ARHGEF3: variants seen among roughly 807,000 people sequenced by gnomAD.
The protein encoded by ARHGEF3 is 59.8 kDA protein.
In ARHGEF3, 28 loss-of-function variants were observed where a neutral mutation model predicts 63.2. That is an observed-to-expected ratio of 0.44 (90% CI 0.33 to 0.61). ARHGEF3 has a LOEUF of 0.61. Among genes scored for constraint, ARHGEF3 ranks in the 20% least tolerant of loss-of-function variants. The pLI is 0.03. For synonymous variants in ARHGEF3, 266 were observed against 254.2 expected, an observed-to-expected ratio of 1.05 and a Z score of -0.44; for missense variants, 533 against 659.3, an observed-to-expected ratio of 0.81 and a Z score of 2.10.
At chr3:56,858,031 C>T (rs1389119145) in intron 4 of ARHGEF3, among the ~76,000 whole-genome samples, 5 of 151,970 alleles carry the variant, frequency 3.3e-5, no homozygotes, top group African/African-American at 1.2e-4. Context: ...CTGCTTGAGC[C>T]CAGGAGTTTA....
At chr3:56,802,410 T>G (rs1038505737), upstream of ARHGEF3, among the ~76,000 whole-genome samples, 7 of 152,192 alleles carry the variant, frequency 4.6e-5, no homozygotes, top group Non-Finnish European at 8.8e-5. Context: ...CTGCACGTTT[T>G]TTTTGTTTTG....
In ARHGEF3 at chr3:57,065,258, T is replaced by C. The variant is rs557650130; in HGVS notation, c.-28+13968A>G. ...GGGCAGATAACTTGAGGTCAGGAGT[T>C]CGACACCAGCCTGGCCAACATGGTG... On this transcript the variant is annotated intron_variant, in intron 1 of 12. Coordinates refer to the ARHGEF3 transcript ENST00000338458. Among the ~76,000 whole-genome samples, 274 of 152,282 alleles carry C rather than the reference T, an allele frequency of 1.8e-3. 4 individuals are homozygous for C. The South Asian group carries it at 0.03, about 17-fold the overall frequency.
intron 4 of ARHGEF3, chr3:56,882,184 G>A: frequency 9.1e-7 from 1 of 1,098,684 alleles, no homozygotes; most frequent in Non-Finnish European, 1.3e-6. Flanking sequence ...AACTTCCATA[G>A]TCAGATCCTG....
At chr3:56,775,284 T>C (rs1442738172) in intron 1 of ARHGEF3, 1 of 1,241,406 alleles carries the variant, frequency 8.1e-7, no homozygotes, top group Non-Finnish European at 1.0e-6. Flanking sequence ...TGAGACACTC[T>C]CATGTCATTT....
intron 4 of ARHGEF3, among the ~76,000 whole-genome samples, chr3:56,850,455 G>T (rs560604077): frequency 2.0e-4 from 31 of 152,310 alleles, no homozygotes; most frequent in African/African-American, 7.5e-4. Flanking sequence ...CTTGAACCTG[G>T]GGTGCAGAGG....
chr3:56,971,080 C>T (rs9841523), intron 2 of ARHGEF3, among the ~76,000 whole-genome samples: 6,506 of 152,270 alleles, frequency 0.043, 487 homozygotes, highest in African/African-American at 0.15. Context: ...AGACTCGCTG[C>T]TGTCACTGCA....
At chr3:56,871,315 A>G (rs1234341407) in intron 4 of ARHGEF3, among the ~76,000 whole-genome samples, 3 of 152,158 alleles carry the variant, frequency 2.0e-5, no homozygotes, top group Non-Finnish European at 2.9e-5. Context: ...AAAATAAAAT[A>G]TTTTTCTATC....
At chr3:56,802,051 C>A (rs2037686483), upstream of ARHGEF3, 1 of 1,336,600 alleles carries the variant, frequency 7.5e-7, no homozygotes, top group Admixed American at 3.4e-5. Context: ...CCGGGAGGGC[C>A]CACGTGCCGC....
intron 2 of ARHGEF3, among the ~76,000 whole-genome samples, chr3:57,014,282 G>A (rs1278626723): frequency 6.6e-6 from 1 of 152,148 alleles, no homozygotes; most frequent in African/African-American, 2.4e-5. Flanking sequence ...CACTGTGAGG[G>A]TCCGCGGCTT....
intron 2 of ARHGEF3, among the ~76,000 whole-genome samples, chr3:56,961,448 T>A (rs937019869): frequency 1.3e-5 from 2 of 152,022 alleles, no homozygotes; most frequent in African/African-American, 4.8e-5. Context: ...CCCTCTCACA[T>A]GAAGAGAAGT....
chr3:56,787,322 C>A (rs936452179), intron 1 of ARHGEF3, among the ~76,000 whole-genome samples: 1 of 152,100 alleles, frequency 6.6e-6, no homozygotes, highest in Admixed American at 6.5e-5. Flanking sequence ...TGCAAAGCTT[C>A]GATCAATTGC....
chr3:57,058,781 G>A lies in ARHGEF3; in HGVS notation c.-28+20445C>T, dbSNP rs796730661. Among the ~76,000 whole-genome samples the A allele has an allele frequency of 3.3e-5, 5 of 152,096 alleles. No individual in the cohort carries two copies. In the South Asian group the frequency reaches 6.2e-4, roughly 19 times the overall value. ...TGATAGACTGGATTAAGAAAATGTGGCACATATACACCATGGAATACTATG... is the reference window on the plus strand; with the variant it reads ...TGATAGACTGGATTAAGAAAATGTGACACATATACACCATGGAATACTATG... On this transcript the variant is annotated intron_variant, in intron 1 of 12. Transcript: ENST00000338458.
At chr3:56,963,621 C>T (rs55689239) in intron 2 of ARHGEF3, among the ~76,000 whole-genome samples, 20,905 of 152,140 alleles carry the variant, frequency 0.14, 1,589 homozygotes, top group East Asian at 0.25. Context: ...AAACTTTTTT[C>T]GTCTTTTCTC....
At chr3:56,757,533 G>T (rs1320876280) in intron 2 of ARHGEF3, among the ~76,000 whole-genome samples, 1 of 152,004 alleles carries the variant, frequency 6.6e-6, no homozygotes, top group African/African-American at 2.4e-5. Context: ...ACAATTCAGA[G>T]ATAATTTAAA....
chr3:56,814,361 G>A (rs901869224), intron 4 of ARHGEF3, among the ~76,000 whole-genome samples: 7 of 152,120 alleles, frequency 4.6e-5, no homozygotes, highest in Admixed American at 3.3e-4. Flanking sequence ...TGTGGCCCAA[G>A]ACAATTCTTC....
intron 1 of ARHGEF3, among the ~76,000 whole-genome samples, chr3:57,040,079 A>T (rs973042519): frequency 2.0e-5 from 3 of 152,218 alleles, no homozygotes; most frequent in Non-Finnish European, 4.4e-5. Flanking sequence ...ATGAGAATGG[A>T]TGACCTACAA....
chr3:56,868,361 G>T (rs1201947583), intron 4 of ARHGEF3, among the ~76,000 whole-genome samples: 108 of 140,590 alleles, frequency 7.7e-4, no homozygotes, highest in Admixed American at 2.1e-3. Context: ...TTTTTTGTTT[G>T]TTTTTTTTTT....
At chr3:56,951,296 GA>G (rs1297158131) in intron 3 of ARHGEF3, among the ~76,000 whole-genome samples, 2 of 150,664 alleles carry the variant, frequency 1.3e-5, no homozygotes, top group African/African-American at 2.4e-5. Context: ...AGAAAGGAAA[GA>G]AAAAAAAGAA....
At chr3:56,805,862 T>C (rs1385181611), upstream of ARHGEF3, among the ~76,000 whole-genome samples, 1 of 152,186 alleles carries the variant, frequency 6.6e-6, no homozygotes, top group East Asian at 1.9e-4. Flanking sequence ...GGAATTCTCT[T>C]GGGTGGTCTG....
Sources: gnomAD v4.1 joint callset for allele counts (sites outside exome capture counted in the v4.1 genomes callset) on GRCh38, gnomAD v4.1.1 for gene constraint, MANE v1.5 for transcripts, NCBI Gene and HGNC (gene_info 2026-07-23, HGNC 2026-07-21) for gene names.